Variants in SUCLG2 observed in about 807,000 individuals in gnomAD.
SUCLG2 encodes succinate-CoA ligase GDP-forming subunit beta.
In SUCLG2, 42 loss-of-function variants were observed where a neutral mutation model predicts 47.9. The ratio of observed to expected loss-of-function variants is 0.88; its 90% CI spans 0.69 to 1.14. The LOEUF (loss-of-function observed/expected upper bound fraction) is 1.14, where lower values mean the gene tolerates loss of function less well. SUCLG2 is among the 50% of genes most tolerant of loss of function. The probability of loss-of-function intolerance (pLI) is 0.00; values close to 1 mark genes in which losing one functional copy is unlikely to be tolerated. For missense variants in SUCLG2, 571 were observed against 525.9 expected (o/e 1.09, Z -0.84); for synonymous variants, 195 against 197.3 (o/e 0.99, Z 0.10).
chr3:67,597,710 C>A (rs1314724799), intron 2 of SUCLG2, among the ~76,000 whole-genome samples: 4 of 152,014 alleles, frequency 2.6e-5, no homozygotes, highest in Non-Finnish European at 4.4e-5. Context: ...GAGGCCAAGG[C>A]GGGTGGATCA....
intron 10 of SUCLG2, among the ~76,000 whole-genome samples, chr3:67,385,972 C>T (rs1336076557): frequency 6.6e-6 from 1 of 152,088 alleles, no homozygotes; most frequent in African/African-American, 2.4e-5. Context: ...ATCAGGATGG[C>T]CTTCCTGAGA....
chr3:67,376,471 G>T, intron 10 of SUCLG2: 1 of 985,312 alleles, frequency 1.0e-6, no homozygotes, highest in East Asian at 1.1e-4. Flanking sequence ...TTTAACATGA[G>T]AACTGCTTTT....
At chr3:67,406,270 A>G (rs1044295785) in intron 9 of SUCLG2, among the ~76,000 whole-genome samples, 2 of 152,212 alleles carry the variant, frequency 1.3e-5, no homozygotes, top group Non-Finnish European at 2.9e-5. Flanking sequence ...TTATTAATTT[A>G]ATATATATTC....
At chr3:67,374,002 C>A (rs1701987701), downstream of SUCLG2, among the ~76,000 whole-genome samples, 1 of 152,158 alleles carries the variant, frequency 6.6e-6, no homozygotes, top group African/African-American at 2.4e-5. Context: ...ATTGCTTTAT[C>A]CCCTCCTCCA....
intron 10 of SUCLG2, among the ~76,000 whole-genome samples, chr3:67,391,788 A>C (rs1467225489): frequency 1.3e-5 from 2 of 152,112 alleles, no homozygotes; most frequent in Non-Finnish European, 2.9e-5. Flanking sequence ...GTGTCTGATG[A>C]TGTCCCCTGG....
At chr3:67,474,232 A>C (rs978284242) in intron 9 of SUCLG2, among the ~76,000 whole-genome samples, 10 of 151,976 alleles carry the variant, frequency 6.6e-5, no homozygotes, top group Admixed American at 2.0e-4. Flanking sequence ...TGCACTCCAG[A>C]CTGGGTGACA....
chr3:67,395,571 G>A (rs1206607545), intron 10 of SUCLG2, among the ~76,000 whole-genome samples: 2 of 152,138 alleles, frequency 1.3e-5, no homozygotes, highest in African/African-American at 4.8e-5. Flanking sequence ...CAATAATAAT[G>A]GGAGACTTTA....
intron 9 of SUCLG2, among the ~76,000 whole-genome samples, chr3:67,402,025 G>A (rs532224334): frequency 2.0e-4 from 30 of 152,334 alleles, no homozygotes; most frequent in African/African-American, 7.2e-4. Context: ...TTGTCCCAAG[G>A]TCACACAGCT....
chr3:67,443,095 A>T (rs1039730208), intron 9 of SUCLG2, among the ~76,000 whole-genome samples: 13 of 152,304 alleles, frequency 8.5e-5, no homozygotes, highest in African/African-American at 3.1e-4. Flanking sequence ...CTTACATAGC[A>T]AGTACATTGT....
chr3:67,483,788 C>T (rs890905258), intron 9 of SUCLG2, among the ~76,000 whole-genome samples: 1 of 152,072 alleles, frequency 6.6e-6, no homozygotes, highest in African/African-American at 2.4e-5. Flanking sequence ...CAGAGCTGCC[C>T]CCTGACATGC....
At position 67,465,340 on chromosome 3, in the gene SUCLG2, C is replaced by A. The variant is rs938071696; in HGVS notation, c.1062+30458G>T. 2.2e-4 allele frequency among the ~76,000 whole-genome samples: 33 copies of A among 152,188 alleles called. 1 individual carries two copies. The highest frequency in any genetic ancestry group is 2.2e-3 in the Admixed American group (33 of 15,276). ...CTCTCAGCGCCTCCTCAGTCCTTCT[C>A]GCTCACTCTGCTCTGAAACACTCAG... On this transcript the variant is annotated intron_variant, in intron 9 of 10. Coordinates refer to ENST00000307227, the MANE Select transcript of SUCLG2 (RefSeq NM_003848.4).
chr3:67,460,636 T>C (rs1704308012), intron 9 of SUCLG2, among the ~76,000 whole-genome samples: 1 of 152,136 alleles, frequency 6.6e-6, no homozygotes, highest in South Asian at 2.1e-4. Context: ...GTCCAAATTA[T>C]CGGAGTGCTT....
chr3:67,583,031 A>T (rs1308840557), intron 2 of SUCLG2, among the ~76,000 whole-genome samples: 1 of 152,104 alleles, frequency 6.6e-6, no homozygotes, highest in Non-Finnish European at 1.5e-5. Flanking sequence ...GTATGCAGTG[A>T]CAAAAGGGAA....
chr3:67,518,462 T>C, intron 5 of SUCLG2, 126 bp from the exon 6 acceptor site: 1 of 839,314 alleles, frequency 1.2e-6, no homozygotes, highest in Non-Finnish European at 1.8e-6. Context: ...TCCAGAGATC[T>C]CTGAGCAGGG....
intron 2 of SUCLG2, among the ~76,000 whole-genome samples, chr3:67,587,625 T>C (rs1307109393): frequency 6.6e-6 from 1 of 152,230 alleles, no homozygotes; most frequent in Admixed American, 6.5e-5. Flanking sequence ...ACTTATTTTT[T>C]GTGTTTAATT....
chr3:67,559,445 T>G (rs1461333507), intron 2 of SUCLG2, among the ~76,000 whole-genome samples: 1 of 152,052 alleles, frequency 6.6e-6, no homozygotes, highest in African/African-American at 2.4e-5. Context: ...GAGAGAGAGA[T>G]AGCACAAGGA....
At chr3:67,621,360 C>A (rs1409395838) in intron 1 of SUCLG2, among the ~76,000 whole-genome samples, 1 of 152,148 alleles carries the variant, frequency 6.6e-6, no homozygotes, top group African/African-American at 2.4e-5. Context: ...GACACACACA[C>A]ACTTTACAAT....
chr3:67,623,296 C>G lies in SUCLG2; in HGVS notation c.85-13700G>C, dbSNP rs368131884. On this transcript the variant is annotated intron_variant, in intron 1 of 10. Coordinates refer to ENST00000307227, the MANE Select transcript of SUCLG2 (RefSeq NM_003848.4). Reference sequence around the variant, plus strand: ...CGGGTGAATCACGAGGTCAGGACATCGAGACCATACTGGCTAATACAGTGA... The same window carrying G: ...CGGGTGAATCACGAGGTCAGGACATGGAGACCATACTGGCTAATACAGTGA... 3.3e-5 allele frequency among the ~76,000 whole-genome samples: 5 copies of G among 152,108 alleles called. No individual in the cohort carries two copies. The East Asian group carries it at 7.8e-4, about 24-fold the overall frequency.
intron 9 of SUCLG2, among the ~76,000 whole-genome samples, chr3:67,488,829 TTC>T (rs1158520685): frequency 6.6e-6 from 1 of 152,190 alleles, no homozygotes; most frequent in African/African-American, 2.4e-5. Context: ...CATGGTCCAT[TTC>T]TCTTTAACAC....
Sources: allele counts gnomAD v4.1 joint callset (sites outside exome capture counted in the v4.1 genomes callset), GRCh38; gene constraint gnomAD v4.1.1; transcripts MANE v1.5; gene names NCBI Gene and HGNC (gene_info 2026-07-23, HGNC 2026-07-21).